The following RYR3 variants were observed in gnomAD, a reference collection of about 807,000 sequenced individuals.
RYR3 encodes the protein brain ryanodine receptor-calcium release channel.
RYR3 carries 207 observed loss-of-function variants against 584.3 expected under a neutral mutation model. The observed-to-expected ratio is 0.35, with a 90% confidence interval of 0.32 to 0.40. The LOEUF (loss-of-function observed/expected upper bound fraction) is 0.40. Among genes scored for constraint, RYR3 ranks in the 10% least tolerant of loss-of-function variants. RYR3 has a pLI of 1.00. For synonymous variants in RYR3, 2,416 were observed against 2,248.5 expected, an observed-to-expected ratio of 1.07 and a Z score of -2.11; for missense variants, 5,616 against 6,089.2, an observed-to-expected ratio of 0.92 and a Z score of 2.59.
At chr15:33,853,243 T>G (rs721400) in intron 95 of RYR3, among the ~76,000 whole-genome samples, 156 bp downstream of exon 95, 2 of 152,076 alleles carry the variant, frequency 1.3e-5, no homozygotes, top group African/African-American at 4.8e-5. Flanking sequence ...TATGAACATA[T>G]GTAGGTTTTT....
chr15:33,528,894 G>C (rs1267510550), intron 3 of RYR3, among the ~76,000 whole-genome samples: 1 of 152,164 alleles, frequency 6.6e-6, no homozygotes, highest in Admixed American at 6.5e-5. Context: ...AGTTGGTAGG[G>C]ACAAAGAAGA....
intron 36 of RYR3, among the ~76,000 whole-genome samples, chr15:33,668,152 A>C (rs1036248643): frequency 1.0e-5 from 1 of 97,302 alleles, no homozygotes; most frequent in African/African-American, 2.8e-5. Context: ...CTGAAAATAC[A>C]AAAAAAAAAA....
At chr15:33,592,409 G>C (rs1219065318) in intron 16 of RYR3, among the ~76,000 whole-genome samples, 2 of 152,132 alleles carry the variant, frequency 1.3e-5, no homozygotes, top group African/African-American at 4.8e-5. Flanking sequence ...GAACTAGATG[G>C]TACCAGTGCT....
At chr15:33,818,532 C>T in intron 75 of RYR3, 46 bp from the exon 76 acceptor site, 4 of 1,409,988 alleles carry the variant, frequency 2.8e-6, no homozygotes, top group East Asian at 2.3e-5. Flanking sequence ...TCACGTGGCA[C>T]GAGATTAAAT....
Position 33,375,180 on chromosome 15 carries a change from A to C in RYR3, c.51+64084A>C, listed in dbSNP as rs776398581. Among the ~76,000 whole-genome samples, 12 of 152,200 alleles carry C rather than the reference A, an allele frequency of 7.9e-5. 1 individual carries two copies. The highest frequency in any genetic ancestry group is 1.6e-4 in the Non-Finnish European group (11 of 68,036). On this transcript the variant is annotated intron_variant, in intron 1 of 103. Transcript: ENST00000634891. ...TCTGTTTCTTTCTCTGTAAAATGAG[A>C]GTAGTAATACTTACCTTAAGGGTTT...
rs2061501341 is a variant in RYR3 at position 33,636,382 on chromosome 15, C to T, written c.3388C>T (p.Arg1130Cys). 4 of 1,613,778 alleles carry T rather than the reference C, an allele frequency of 2.5e-6. No individual in the cohort carries two copies. The highest frequency in any genetic ancestry group is 1.1e-5 in the South Asian group (1 of 91,058). ...AFVFEGNRGQ[R>C]WHQGSGYFGR... is the part of the protein sequence containing the mutation. Reference sequence around the variant, plus strand: ...CTAGAGTCTTGTTTTCTAGGGCCAGCGTTGGCATCAAGGAAGTGGGTATTT... The same window carrying T: ...CTAGAGTCTTGTTTTCTAGGGCCAGTGTTGGCATCAAGGAAGTGGGTATTT... Residue 1130 changes from arginine (R) to cysteine (C), a missense_variant, in exon 27 of 104, where the codon CGT becomes TGT. Around this residue, in one of 9 missense-constraint regions of RYR3, gnomAD observed 152 missense variants for 200.9 expected, o/e 0.76. Coordinates refer to ENST00000634891, the MANE Select transcript of RYR3 (RefSeq NM_001036.6).
At chr15:33,329,329 A>G (rs934072528) in intron 1 of RYR3, among the ~76,000 whole-genome samples, 1 of 152,210 alleles carries the variant, frequency 6.6e-6, no homozygotes, top group African/African-American at 2.4e-5. Flanking sequence ...TCATGTCCCC[A>G]GAGAAGTCAC....
At chr15:33,509,052 A>T (rs2052734885) in intron 3 of RYR3, among the ~76,000 whole-genome samples, 2 of 152,206 alleles carry the variant, frequency 1.3e-5, no homozygotes. Flanking sequence ...TGAGATATTT[A>T]CCTTGCAGCC....
chr15:33,530,888 A>G (rs1369307), intron 4 of RYR3, among the ~76,000 whole-genome samples: 4,355 of 151,992 alleles, frequency 0.029, 70 homozygotes, highest in Non-Finnish European at 0.04. Flanking sequence ...CCCACCTCCA[A>G]CTCCCTGAGG....
intron 57 of RYR3, 135 bp downstream of exon 57, chr15:33,750,421 A>C (rs900577389): frequency 7.1e-6 from 6 of 840,800 alleles, no homozygotes; most frequent in Non-Finnish European, 1.1e-5. Flanking sequence ...ATTTTAGAAC[A>C]TGAAGCCCTC....
intron 1 of RYR3, among the ~76,000 whole-genome samples, chr15:33,381,062 T>C (rs1463273105): frequency 1.3e-5 from 2 of 152,202 alleles, no homozygotes; most frequent in African/African-American, 2.4e-5. Flanking sequence ...TTTAGTCTAT[T>C]AGATCAATTT....
chr15:33,383,134 A>G (rs946382807), intron 1 of RYR3, among the ~76,000 whole-genome samples: 1 of 151,738 alleles, frequency 6.6e-6, no homozygotes, highest in Non-Finnish European at 1.5e-5. Flanking sequence ...AGACTGTTGC[A>G]GGGATCCCAG....
chr15:33,367,168 A>G (rs554954911), intron 1 of RYR3, among the ~76,000 whole-genome samples: 1 of 152,354 alleles, frequency 6.6e-6, no homozygotes, highest in South Asian at 2.1e-4. Context: ...TGGCTATGTC[A>G]TCAAATCAGA....
At chr15:33,356,720 C>T (rs1308098417) in intron 1 of RYR3, among the ~76,000 whole-genome samples, 1 of 152,110 alleles carries the variant, frequency 6.6e-6, no homozygotes, top group African/African-American at 2.4e-5. Context: ...TAAGTAGATA[C>T]TCTCTGTTCC....
At chr15:33,407,109 G>A (rs375340760) in intron 1 of RYR3, among the ~76,000 whole-genome samples, 94 of 152,288 alleles carry the variant, frequency 6.2e-4, no homozygotes, top group African/African-American at 2.0e-3. Context: ...AGGGACAGAA[G>A]GTCAAGAGGG....
Position 33,533,428 on chromosome 15 carries a change from G to A in RYR3, c.433+39G>A, listed in dbSNP as rs368791959. 3.9e-5 allele frequency: 57 copies of A among 1,452,260 alleles called. No individual in the cohort carries two copies. The African/African-American group carries it at 4.5e-4, about 11-fold the overall frequency. The allele number at this position is 1,452,260 out of a possible 1,614,324, so 90.0% of individuals were successfully genotyped here. Reference sequence around the variant, plus strand: ...CCCAGATCTCTTGAGCTCAGCGGGGGTCTTGGGCTAAGGGGCTTTTGAGAA... The same window carrying A: ...CCCAGATCTCTTGAGCTCAGCGGGGATCTTGGGCTAAGGGGCTTTTGAGAA... On this transcript the variant is annotated intron_variant, in intron 5 of 103. Transcript: ENST00000634891.
At chr15:33,469,507 A>G (rs1308614326) in intron 1 of RYR3, among the ~76,000 whole-genome samples, 1 of 151,788 alleles carries the variant, frequency 6.6e-6, no homozygotes, top group African/African-American at 2.4e-5. Flanking sequence ...CTGCTGGCCC[A>G]TTTGCTGTGA....
At chr15:33,816,017 G>A (rs554609236) in intron 74 of RYR3, 595 of 395,840 alleles carry the variant, frequency 1.5e-3, no homozygotes, top group Non-Finnish European at 1.9e-3. Context: ...ATAAGAACAC[G>A]AATTTGTACA....
chr15:33,429,373 C>G (rs2044923818), intron 1 of RYR3, among the ~76,000 whole-genome samples: 1 of 152,188 alleles, frequency 6.6e-6, no homozygotes, highest in Admixed American at 6.5e-5. Flanking sequence ...TATGTTTTTT[C>G]TTCTAGACTA....
Sources: gnomAD v4.1 joint callset for allele counts (sites outside exome capture counted in the v4.1 genomes callset) on GRCh38, gnomAD v4.1.1 for gene constraint, gnomAD v4.1.1 regional missense constraint, MANE v1.5 for transcripts, NCBI Gene and HGNC (gene_info 2026-07-23, HGNC 2026-07-21) for gene names.